The following GRK1 variants were observed in gnomAD, a reference collection of about 807,000 sequenced individuals.
The protein encoded by GRK1 is G protein-coupled receptor kinase 1, also known as rhodopsin kinase GRK1.
GRK1 carries 28 observed loss-of-function variants against 41.7 expected under a neutral mutation model. The observed-to-expected ratio is 0.67, with a 90% CI of 0.50 to 0.92. The LOEUF (loss-of-function observed/expected upper bound fraction) is 0.92, where lower values mean the gene tolerates loss of function less well. Ranked by LOEUF, GRK1 falls within the 40% of genes least tolerant of loss-of-function variation. GRK1 has a pLI of 0.00. For synonymous variants in GRK1, 327 were observed against 286.7 expected (o/e 1.14, Z -1.42); for missense variants, 703 against 671.2 (o/e 1.05, Z -0.52).
At chr13:113,651,335 C>G in the GRK1 span, among the ~76,000 whole-genome samples, 1 of 152,234 alleles carries the variant, frequency 6.6e-6, no homozygotes, top group Non-Finnish European at 1.5e-5. Context: ...AAGCTGGAAC[C>G]TTTTTGTAAA....
the GRK1 span, chr13:113,649,334 C>T: frequency 9.9e-5 from 154 of 1,558,986 alleles, 2 homozygotes; most frequent in South Asian, 1.3e-3. This position sits in a 1 kb window ranked among gnomAD's most constrained non-coding sequence, Gnocchi z 4.7. Context: ...TGTCCTTGAG[C>T]GACCCCGCAG....
At chr13:113,658,797 G>A in the GRK1 span, among the ~76,000 whole-genome samples, 1 of 152,174 alleles carries the variant, frequency 6.6e-6, no homozygotes, top group Non-Finnish European at 1.5e-5. Context: ...TGGCACCGAG[G>A]GCCCTTTAGG....
chr13:113,730,303 C>T (rs1266211736), intron 4 of GRK1, among the ~76,000 whole-genome samples: 1 of 142,596 alleles, frequency 7.0e-6, no homozygotes, highest in East Asian at 2.2e-4. Context: ...CACCCAGACC[C>T]GTCCCTCCAT....
Position 113,671,927 on chromosome 13 carries a change from C to G in GRK1, c.985+271C>G, listed in dbSNP as rs979682958. ...CCTTCTGCCTGAATGAGGCGTCACA[C>G]AGGGATTCTTCTCAGAAATAAACAC... On this transcript the variant is annotated intron_variant, in intron 3 of 6. Coordinates refer to ENST00000335678, the MANE Select transcript of GRK1 (RefSeq NM_002929.3). The surrounding 1 kb of genome is among the most constrained non-coding windows in gnomAD (Gnocchi z 4.1). 1.1e-4 allele frequency among the ~76,000 whole-genome samples: 17 copies of G among 152,270 alleles called. No homozygotes were observed. Among genetic ancestry groups the G allele is most frequent in the Admixed American group, 5.9e-4 (9 of 15,300 alleles).
At chr13:113,732,244 C>T (rs914843032) in intron 5 of GRK1, among the ~76,000 whole-genome samples, 1 of 152,166 alleles carries the variant, frequency 6.6e-6, no homozygotes, top group Non-Finnish European at 1.5e-5. Context: ...GCCACCTGGG[C>T]GATGCCCACC....
At position 113,733,835 on chromosome 13, in the gene GRK1, G is replaced by A. The variant is rs561816075; in HGVS notation, c.1396+750G>A. On this transcript the variant is annotated intron_variant, in intron 6 of 6. Coordinates refer to ENST00000335678, the MANE Select transcript of GRK1 (RefSeq NM_002929.3). ...CATACGTGTGTGCGTGTGTGTGCAC[G>A]TGCGTGTGCATGTGTATGTGTGCAT... Among the ~76,000 whole-genome samples, 3 of 134,654 alleles carry A rather than the reference G, an allele frequency of 2.2e-5. 1 individual carries two copies. Among genetic ancestry groups the A allele is most frequent in the African/African-American group, 9.8e-5 (3 of 30,468 alleles). The allele number at this position is 134,654 out of a possible 152,430, so 88.3% of individuals were successfully genotyped here.
intron 6 of GRK1, among the ~76,000 whole-genome samples, chr13:113,733,553 A>ACG (rs2049955506): frequency 7.4e-6 from 1 of 135,746 alleles, no homozygotes; most frequent in African/African-American, 2.9e-5. Context: ...GTGTGCGCGC[A>ACG]CGTGTGTCCA....
Position 113,671,210 on chromosome 13 carries a change from C to T in GRK1, c.828-289C>T, listed in dbSNP as rs1363624994. Among the ~76,000 whole-genome samples the T allele has an allele frequency of 5.3e-5, 8 of 152,302 alleles. No homozygotes were observed. Among genetic ancestry groups the T allele is most frequent in the Non-Finnish European group, 1.2e-4 (8 of 68,014 alleles). ...CGGCCTGGCCCCTTCCTGAGACGGT[C>T]TGGGCTGTTTCCTAGCACCTGCGGC... On this transcript the variant is annotated intron_variant, in intron 2 of 6. Coordinates refer to ENST00000335678, the MANE Select transcript of GRK1 (RefSeq NM_002929.3). This position sits in a 1 kb window ranked among gnomAD's most constrained non-coding sequence, Gnocchi z 4.1.
At chr13:113,729,719 G>A (rs2049919643) in intron 4 of GRK1, among the ~76,000 whole-genome samples, 1 of 152,186 alleles carries the variant, frequency 6.6e-6, no homozygotes, top group African/African-American at 2.4e-5. Context: ...CCTCTGTCCT[G>A]TGACGGTCCC....
At chr13:113,733,910 C>T (rs1419813686) in intron 6 of GRK1, among the ~76,000 whole-genome samples, 8 of 56,164 alleles carry the variant, frequency 1.4e-4, no homozygotes, top group Non-Finnish European at 2.4e-4. Flanking sequence ...TGTGTGCATA[C>T]AGTGTGCGTG....
upstream of GRK1, among the ~76,000 whole-genome samples, chr13:113,662,624 C>T (rs913451915): frequency 6.6e-6 from 1 of 152,138 alleles, no homozygotes; most frequent in Non-Finnish European, 1.5e-5. Context: ...GATGAAGGTG[C>T]AAAAATCCAC....
the GRK1 span, chr13:113,658,020 C>T: frequency 3.1e-6 from 5 of 1,587,996 alleles, no homozygotes; most frequent in East Asian, 9.2e-5. Context: ...GCCGGCCCGC[C>T]CCCCGCACGT....
At chr13:113,651,552 C>T in the GRK1 span, 6 of 1,199,858 alleles carry the variant, frequency 5.0e-6, no homozygotes, top group Non-Finnish European at 5.6e-6. Context: ...GTCTGGTTTA[C>T]TGGGCCGACG....
rs1339406109 is a variant in GRK1, at chr13:113,733,742, T to C, written c.1396+657T>C. Among the ~76,000 whole-genome samples the C allele has an allele frequency of 4.2e-4, 62 of 148,642 alleles. 1 individual carries two copies. Among genetic ancestry groups the C allele is most frequent in the African/African-American group, 1.5e-3 (60 of 40,132 alleles). On this transcript the variant is annotated intron_variant, in intron 6 of 6. Transcript: ENST00000335678. ...GTGTGTGTGCGCGCGTGTGTATGTG[T>C]GCATACATGTGTGTGCGTGTGTATG... is the stretch of plus-strand genomic sequence containing the variant.
At chr13:113,669,910 G>A (rs1395001693) in intron 2 of GRK1, 96 bp downstream of exon 2, 6 of 1,465,232 alleles carry the variant, frequency 4.1e-6, no homozygotes, top group Non-Finnish European at 4.6e-6. Context: ...GAGCCATGGT[G>A]GCCCCAGGCC....
At chr13:113,661,024 C>G in the GRK1 span, among the ~76,000 whole-genome samples, 1 of 152,152 alleles carries the variant, frequency 6.6e-6, no homozygotes, top group East Asian at 1.9e-4. Flanking sequence ...CATTGACATT[C>G]GCAGAATACT....
chr13:113,735,320 G>A lies in GRK1; in HGVS notation c.1649G>A (p.Gly550Asp), dbSNP rs1468113387. The change falls in exon 7 of 7, where the codon GGC (glycine) becomes GAC (aspartate). Residue 550 changes from glycine (G) to aspartate (D), a missense_variant. Coordinates refer to ENST00000335678, the MANE Select transcript of GRK1 (RefSeq NM_002929.3). ...MPDDMKGISG[G>D]SSSSSKSGMC... ...GACGACATGAAGGGCATCTCCGGGG[G>A]CTCCAGCTCCTCGTCCAAGTCAGGG... 2 of 1,527,564 alleles carry A rather than the reference G, an allele frequency of 1.3e-6. No homozygotes were observed. Among genetic ancestry groups the A allele is most frequent in the Admixed American group, 2.0e-5 (1 of 50,380 alleles). The allele number at this position is 1,527,564 out of a possible 1,614,324, so 94.6% of individuals were successfully genotyped here.
chr13:113,657,599 CG>C, the GRK1 span, among the ~76,000 whole-genome samples: 1 of 152,338 alleles, frequency 6.6e-6, no homozygotes, highest in South Asian at 2.1e-4. Context: ...TGGACGCCAG[CG>C]GGTGTCCCGG....
upstream of GRK1, among the ~76,000 whole-genome samples, chr13:113,666,446 TCCCAGGTGTTC>T (rs2049819817): frequency 6.6e-6 from 1 of 151,036 alleles, no homozygotes; most frequent in African/African-American, 2.4e-5. Flanking sequence ...CCCAGGTGTG[TCCCAGGTGTTC>T]CCCAGGTGTG....
Sources: gnomAD v4.1 joint callset for allele counts (sites outside exome capture counted in the v4.1 genomes callset) on GRCh38, gnomAD v4.1.1 for gene constraint, Gnocchi (gnomAD v3.1) non-coding constraint, MANE v1.5 for transcripts, NCBI Gene and HGNC (gene_info 2026-07-23, HGNC 2026-07-21) for gene names.